Variants in DLC1 observed in about 807,000 individuals in gnomAD.
The protein encoded by DLC1 is DLC1 Rho GTPase activating protein.
A neutral mutation model predicts 140.3 loss-of-function variants in DLC1; 54 were observed. The ratio of observed to expected loss-of-function variants is 0.38; its 90% CI spans 0.31 to 0.48. DLC1 has a LOEUF of 0.48. DLC1 is among the 20% of genes least tolerant of loss of function. The pLI is 0.96. For missense variants in DLC1, 2,536 were observed against 1,907.0 expected (o/e 1.33, Z -6.14); for synonymous variants, 986 against 728.1 (o/e 1.35, Z -5.70).
At chr8:13,222,453 C>G (rs1828603007) in intron 5 of DLC1, among the ~76,000 whole-genome samples, 1 of 152,120 alleles carries the variant, frequency 6.6e-6, no homozygotes. Flanking sequence ...CCTTTAAAAG[C>G]TAAGTAACAT....
chr8:13,517,451 G>T (rs1026035832), upstream of DLC1, among the ~76,000 whole-genome samples: 2 of 151,982 alleles, frequency 1.3e-5, no homozygotes, highest in Admixed American at 6.6e-5. Flanking sequence ...CTATTAATAG[G>T]ATTACTTCCC....
chr8:13,485,665 G>A (rs567375429), intron 2 of DLC1, among the ~76,000 whole-genome samples: 8 of 152,252 alleles, frequency 5.3e-5, no homozygotes, highest in South Asian at 2.1e-4. Flanking sequence ...ATTAAATCTC[G>A]TAATCTACAG....
chr8:13,375,639 G>A (rs575629529), intron 4 of DLC1, among the ~76,000 whole-genome samples: 1 of 152,144 alleles, frequency 6.6e-6, no homozygotes, highest in East Asian at 1.9e-4. Context: ...GATATTGGCT[G>A]TGGGTCTGTC....
At chr8:13,463,154 CG>C (rs1279103440) in intron 2 of DLC1, among the ~76,000 whole-genome samples, 3 of 151,450 alleles carry the variant, frequency 2.0e-5, no homozygotes, top group Non-Finnish European at 4.4e-5. Context: ...ATCTGGTTGC[CG>C]GCATTTAGGG....
chr8:13,241,904 G>A (rs889088452), intron 5 of DLC1, among the ~76,000 whole-genome samples: 6 of 151,978 alleles, frequency 3.9e-5, no homozygotes, highest in Non-Finnish European at 2.9e-5. Flanking sequence ...ATTAAGAGGG[G>A]GCAAAACTCA....
At chr8:13,318,464 A>C (rs1586128036) in intron 4 of DLC1, among the ~76,000 whole-genome samples, 1 of 152,230 alleles carries the variant, frequency 6.6e-6, no homozygotes, top group Non-Finnish European at 1.5e-5. Flanking sequence ...TGTCCATGTC[A>C]AGTTTTGAAC....
rs548700355 is a variant in DLC1, at chr8:13,214,623, G to A, written c.1348+90646C>T. 1.3e-4 allele frequency: 100 copies of A among 769,374 alleles called. 4 individuals carry two copies. Among genetic ancestry groups the A allele is most frequent in the South Asian group, 1.1e-3 (84 of 74,180 alleles). 47.7% of individuals were successfully genotyped at this position (769,374 alleles called of 1,614,324 possible). A position where few individuals can be genotyped will look rare whatever the true frequency, so the allele number is the denominator to read the frequency against. On this transcript the variant is annotated intron_variant, in intron 5 of 17. Coordinates refer to ENST00000276297, the MANE Select transcript of DLC1 (RefSeq NM_182643.3). ...TGCAGTGTTCTGCCAGGCACACACC[G>A]GCCTAGGTGATGTTTTCTTCTCCAG...
chr8:13,190,490 C>T (rs1401156693), intron 5 of DLC1, among the ~76,000 whole-genome samples: 1 of 152,124 alleles, frequency 6.6e-6, no homozygotes, highest in African/African-American at 2.4e-5. Flanking sequence ...TTACATTCCC[C>T]TTATAGGGTT....
chr8:13,334,367 G>A (rs35070906), intron 4 of DLC1, among the ~76,000 whole-genome samples: 1 of 152,148 alleles, frequency 6.6e-6, no homozygotes, highest in Non-Finnish European at 1.5e-5. Context: ...GGACAGGCCA[G>A]ATCTGTGAGC....
chr8:13,175,924 T>C (rs978197534), intron 5 of DLC1, among the ~76,000 whole-genome samples: 1 of 152,224 alleles, frequency 6.6e-6, no homozygotes, highest in African/African-American at 2.4e-5. Context: ...TCTTCATTTC[T>C]ATAATTTTTT....
At chr8:13,438,874 A>T (rs1839238242) in intron 2 of DLC1, among the ~76,000 whole-genome samples, 1 of 152,210 alleles carries the variant, frequency 6.6e-6, no homozygotes, top group African/African-American at 2.4e-5. Context: ...GGGGTCGGCA[A>T]ACTTTTTCCA....
intron 2 of DLC1, among the ~76,000 whole-genome samples, chr8:13,493,241 C>T (rs1005817032): frequency 1.3e-5 from 2 of 152,248 alleles, no homozygotes; most frequent in South Asian, 4.2e-4. Flanking sequence ...CTATATATAC[C>T]TACCCTGCTT....
At chr8:13,604,385 A>T (rs1182598211) in intron 1 of DLC1, among the ~76,000 whole-genome samples, 1 of 152,176 alleles carries the variant, frequency 6.6e-6, no homozygotes, top group East Asian at 1.9e-4. Context: ...AGTCACAGAC[A>T]TTTTTCTTTC....
At chr8:13,361,861 A>G (rs1835242526) in intron 4 of DLC1, among the ~76,000 whole-genome samples, 2 of 152,188 alleles carry the variant, frequency 1.3e-5, no homozygotes, top group South Asian at 4.1e-4. Flanking sequence ...AATCTTCTAT[A>G]AGTAAGTCAT....
chr8:13,326,446 G>A (rs1833351476), intron 4 of DLC1, among the ~76,000 whole-genome samples: 1 of 152,132 alleles, frequency 6.6e-6, no homozygotes, highest in Non-Finnish European at 1.5e-5. Context: ...TTTTAAAGAA[G>A]AGGACATATA....
At chr8:13,214,385 C>A (rs1008759369) in intron 5 of DLC1, 6 of 399,792 alleles carry the variant, frequency 1.5e-5, no homozygotes, top group African/African-American at 1.2e-4. Context: ...TGTTGACAGG[C>A]TTTGGAGCCC....
At chr8:13,099,276 C>G (rs1818774902) in intron 9 of DLC1, 71 bp downstream of exon 9, 3 of 1,527,298 alleles carry the variant, frequency 2.0e-6, no homozygotes, top group Non-Finnish European at 2.6e-6. Flanking sequence ...TTTCTTCCCA[C>G]AGAACAAGCA....
chr8:13,145,112 A>C (rs1823319667), intron 5 of DLC1, among the ~76,000 whole-genome samples: 2 of 152,188 alleles, frequency 1.3e-5, no homozygotes, highest in African/African-American at 2.4e-5. Context: ...GAGAAATCAT[A>C]CTGAAAATTT....
At chr8:13,493,418 T>G (rs924415359) in intron 2 of DLC1, among the ~76,000 whole-genome samples, 1 of 152,142 alleles carries the variant, frequency 6.6e-6, no homozygotes, top group Non-Finnish European at 1.5e-5. Flanking sequence ...AATTAAAAAT[T>G]TTTCAGTTGA....
Sources: allele counts gnomAD v4.1 joint callset (sites outside exome capture counted in the v4.1 genomes callset), GRCh38; gene constraint gnomAD v4.1.1; transcripts MANE v1.5; gene names NCBI Gene and HGNC (gene_info 2026-07-23, HGNC 2026-07-21).